The following PDE8A variants were observed in gnomAD, a reference collection of about 807,000 sequenced individuals.
PDE8A encodes phosphodiesterase 8A, also known as high affinity cAMP-specific and IBMX-insensitive 3',5'-cyclic phosphodiesterase 8A.
PDE8A carries 59 observed loss-of-function variants against 105.0 expected under a neutral mutation model. The observed-to-expected ratio is 0.56, with a 90% CI of 0.46 to 0.70. PDE8A has a LOEUF of 0.70. Ranked by LOEUF, PDE8A falls within the 30% of genes least tolerant of loss-of-function variation. The probability of loss-of-function intolerance (pLI) is 0.00; values close to 1 mark genes in which losing one functional copy is unlikely to be tolerated. For synonymous variants in PDE8A, 355 were observed against 371.9 expected, an observed-to-expected ratio of 0.95 and a Z score of 0.52; for missense variants, 1,014 against 1,045.9, an observed-to-expected ratio of 0.97 and a Z score of 0.42.
At chr15:84,981,418 C>T (rs2079705540), upstream of PDE8A, among the ~76,000 whole-genome samples, 1 of 152,150 alleles carries the variant, frequency 6.6e-6, no homozygotes, top group Non-Finnish European at 1.5e-5. Context: ...GCCAGCAACT[C>T]CTGGGTGCGC....
At chr15:85,043,999 TG>T (rs1361385373) in intron 1 of PDE8A, among the ~76,000 whole-genome samples, 1 of 152,310 alleles carries the variant, frequency 6.6e-6, no homozygotes, top group Non-Finnish European at 1.5e-5. Context: ...ACCCAGCCAG[TG>T]TGTTCTGAAA....
chr15:85,088,017 G>A (rs1441446392), intron 6 of PDE8A, among the ~76,000 whole-genome samples: 1 of 152,120 alleles, frequency 6.6e-6, no homozygotes, highest in Non-Finnish European at 1.5e-5. Flanking sequence ...ATAGAGTTGT[G>A]CTTCAGTCAT....
chr15:84,996,574 C>T (rs191278064), intron 1 of PDE8A, among the ~76,000 whole-genome samples: 2 of 152,052 alleles, frequency 1.3e-5, no homozygotes, highest in East Asian at 3.9e-4. Flanking sequence ...CCTGTAATCC[C>T]AGCACTTTGG....
At chr15:85,091,900 A>AATTTT (rs2081648993) in intron 8 of PDE8A, among the ~76,000 whole-genome samples, 1 of 50,790 alleles carries the variant, frequency 2.0e-5, no homozygotes, top group Non-Finnish European at 3.8e-5. Flanking sequence ...TTTCTGCTGG[A>AATTTT]CTTTTTTTTT....
At chr15:84,985,498 C>G (rs1461464955) in intron 1 of PDE8A, among the ~76,000 whole-genome samples, 1 of 152,180 alleles carries the variant, frequency 6.6e-6, no homozygotes, top group Non-Finnish European at 1.5e-5. Flanking sequence ...CCCATTTCCA[C>G]TTTCCCTAGC....
intron 11 of PDE8A, among the ~76,000 whole-genome samples, chr15:85,101,544 T>A (rs2081862539): frequency 6.6e-6 from 1 of 152,180 alleles, no homozygotes; most frequent in South Asian, 2.1e-4. Flanking sequence ...GTGGGAAGTT[T>A]CCATTTTCAT....
chr15:85,035,780 A>G (rs2080696206), intron 1 of PDE8A, among the ~76,000 whole-genome samples: 1 of 152,242 alleles, frequency 6.6e-6, no homozygotes, highest in Non-Finnish European at 1.5e-5. Flanking sequence ...CTTGGAATAT[A>G]AACAGACCAA....
intron 1 of PDE8A, among the ~76,000 whole-genome samples, chr15:85,045,118 C>T (rs978802548): frequency 6.6e-6 from 1 of 151,692 alleles, no homozygotes; most frequent in Non-Finnish European, 1.5e-5. Context: ...TTGGCTACTT[C>T]CTGTCATTCA....
intron 11 of PDE8A, among the ~76,000 whole-genome samples, chr15:85,100,643 G>T (rs992916668): frequency 6.6e-6 from 1 of 152,198 alleles, no homozygotes; most frequent in Non-Finnish European, 1.5e-5. Context: ...GACACCATCT[G>T]TTCTTCCCCA....
intron 1 of PDE8A, among the ~76,000 whole-genome samples, chr15:85,007,854 G>T (rs2080174189): frequency 2.0e-5 from 3 of 152,164 alleles, no homozygotes; most frequent in African/African-American, 7.2e-5. Flanking sequence ...GTCAGAGAGA[G>T]CTCTTGGACA....
At chr15:84,993,201 T>C (rs2079913791) in intron 1 of PDE8A, among the ~76,000 whole-genome samples, 1 of 152,006 alleles carries the variant, frequency 6.6e-6, no homozygotes, top group African/African-American at 2.4e-5. Context: ...CCCAGCACTT[T>C]GGGAGGCCAA....
chr15:85,117,970 C>T (rs991394076), intron 17 of PDE8A, 131 bp downstream of exon 17: 9 of 758,474 alleles, frequency 1.2e-5, no homozygotes, highest in Admixed American at 3.8e-5. Context: ...CAAGGTCATA[C>T]GAGGAATCAG....
chr15:85,015,137 G>C (rs2080303485), intron 1 of PDE8A, among the ~76,000 whole-genome samples: 1 of 152,088 alleles, frequency 6.6e-6, no homozygotes, highest in African/African-American at 2.4e-5. Flanking sequence ...GCAGCACAGT[G>C]CTCCACCGGC....
chr15:85,025,743 G>GTT (rs1352461782), intron 1 of PDE8A, among the ~76,000 whole-genome samples: 1 of 152,208 alleles, frequency 6.6e-6, no homozygotes, highest in Non-Finnish European at 1.5e-5. Context: ...AAAAGTCTTT[G>GTT]TAAGGCACTG....
intron 16 of PDE8A, among the ~76,000 whole-genome samples, chr15:85,117,409 G>A (rs1276108899): frequency 1.3e-5 from 2 of 152,150 alleles, no homozygotes; most frequent in Non-Finnish European, 2.9e-5. Context: ...ACGAGGCTGA[G>A]GTCAGAGCTG....
At chr15:85,032,542 A>T (rs1231456551) in intron 1 of PDE8A, among the ~76,000 whole-genome samples, 1 of 152,200 alleles carries the variant, frequency 6.6e-6, no homozygotes, top group Non-Finnish European at 1.5e-5. Context: ...TCTGATTTAC[A>T]AGGAAACTAA....
intron 1 of PDE8A, among the ~76,000 whole-genome samples, chr15:85,032,904 C>T (rs940702220): frequency 1.3e-5 from 2 of 152,094 alleles, no homozygotes; most frequent in Non-Finnish European, 2.9e-5. Context: ...CCATGTGTTA[C>T]TCCATATTCA....
At position 84,996,823 on chromosome 15, in the gene PDE8A, CAAAAAAAAAAAAAAA is replaced by C. The variant is rs34363361; in HGVS notation, c.186+14488_186+14502del. ...CCTGGACAACAGAGCAAGACTCTCT[CAAAAAAAAAAAAAAA>C]AAAAAAAAAAAAGGTGGTACACTTA... On this transcript the variant is annotated intron_variant, in intron 1 of 21. Coordinates refer to ENST00000394553, the MANE Select transcript of PDE8A (RefSeq NM_002605.3). 1.5e-3 allele frequency among the ~76,000 whole-genome samples: 81 copies of C among 53,834 alleles called. 2 individuals are homozygous for C. The South Asian group carries it at 0.026, about 17-fold the overall frequency. The allele number at this position is 53,834 out of a possible 152,430, so 35.3% of individuals were successfully genotyped here.
At chr15:85,104,334 G>A (rs958563246) in intron 11 of PDE8A, among the ~76,000 whole-genome samples, 2 of 152,170 alleles carry the variant, frequency 1.3e-5, no homozygotes, top group Admixed American at 1.3e-4. Flanking sequence ...GTCATGCAGA[G>A]GACAAGATGG....
Sources: allele counts gnomAD v4.1 joint callset (sites outside exome capture counted in the v4.1 genomes callset), GRCh38; gene constraint gnomAD v4.1.1; transcripts MANE v1.5; gene names NCBI Gene and HGNC (gene_info 2026-07-23, HGNC 2026-07-21).